Variants in TMEM182 observed in about 807,000 individuals in gnomAD.
TMEM182 encodes transmembrane protein 182.
TMEM182 carries 20 observed loss-of-function variants against 26.8 expected under a neutral mutation model. The observed-to-expected ratio is 0.75, with a 90% CI of 0.53 to 1.09. TMEM182 has a LOEUF of 1.09. Among genes scored for constraint, TMEM182 ranks in the 50% least tolerant of loss-of-function variants. The probability of loss-of-function intolerance (pLI) is 0.00; values close to 1 mark genes in which losing one functional copy is unlikely to be tolerated. For synonymous variants in TMEM182, 109 were observed against 102.2 expected (o/e 1.07, Z -0.40); for missense variants, 277 against 275.5 (o/e 1.01, Z -0.04).
chr2:102,787,159 A>G (rs1681429489), intron 3 of TMEM182, among the ~76,000 whole-genome samples: 1 of 152,172 alleles, frequency 6.6e-6, no homozygotes, highest in East Asian at 1.9e-4. Flanking sequence ...TTAAGGAAGG[A>G]AGGATGCTTT....
chr2:102,797,832 T>A (rs541747340), intron 3 of TMEM182, 31 bp from the exon 4 acceptor site: 262 of 1,592,336 alleles, frequency 1.6e-4, no homozygotes, highest in Non-Finnish European at 2.0e-4. Context: ...GTATTTTTCT[T>A]TCTTTTCTCT....
intron 4 of TMEM182, among the ~76,000 whole-genome samples, chr2:102,813,875 G>C (rs1479799557): frequency 2.0e-5 from 3 of 151,918 alleles, no homozygotes; most frequent in Non-Finnish European, 4.4e-5. Flanking sequence ...TAGTGGTTAG[G>C]CATTTGTTAT....
intron 3 of TMEM182, among the ~76,000 whole-genome samples, chr2:102,781,324 A>G (rs1283901734): frequency 1.3e-5 from 2 of 152,190 alleles, no homozygotes; most frequent in African/African-American, 4.8e-5. Context: ...GAGATAGAGA[A>G]GGAAGACCGA....
At chr2:102,778,201 C>T (rs1055512934) in intron 3 of TMEM182, among the ~76,000 whole-genome samples, 3 of 151,864 alleles carry the variant, frequency 2.0e-5, no homozygotes, top group African/African-American at 7.2e-5. Context: ...TTTTTTTATA[C>T]ATACACATTT....
Position 102,816,782 on chromosome 2 carries a change from G to C in TMEM182, c.*1814G>C, listed in dbSNP as rs1429475274. ...AGACGATGTTGGATGTATCTGATTAGTTCATGTCATCTGTAAATACAATTC... is the reference window on the plus strand; with the variant it reads ...AGACGATGTTGGATGTATCTGATTACTTCATGTCATCTGTAAATACAATTC... On this transcript the variant is annotated 3_prime_UTR_variant, in exon 5 of 5. Transcript: ENST00000412401. 1.0e-6 allele frequency: 1 copy of C among 985,692 alleles called. No individual in the cohort carries two copies. Among genetic ancestry groups the C allele is most frequent in the Non-Finnish European group, 1.2e-6 (1 of 829,924 alleles). The allele number at this position is 985,692 out of a possible 1,614,324, so 61.1% of individuals were successfully genotyped here. A position where few individuals can be genotyped will look rare whatever the true frequency, so the allele number is the denominator to read the frequency against.
chr2:102,746,598 T>TGTTACTTA, intron 1 of TMEM182, among the ~76,000 whole-genome samples: 1 of 151,324 alleles, frequency 6.6e-6, no homozygotes, highest in East Asian at 1.9e-4. Context: ...GAGTTACTTA[T>TGTTACTTA]TTTTTTTTTC....
intron 3 of TMEM182, among the ~76,000 whole-genome samples, chr2:102,765,688 A>T (rs980774372): frequency 6.6e-6 from 1 of 152,210 alleles, no homozygotes; most frequent in Non-Finnish European, 1.5e-5. Context: ...CTTGTATTAC[A>T]TCATTAATAG....
intron 1 of TMEM182, among the ~76,000 whole-genome samples, chr2:102,753,772 A>G (rs1679952494): frequency 6.6e-6 from 1 of 152,188 alleles, no homozygotes; most frequent in Non-Finnish European, 1.5e-5. Flanking sequence ...ATTCAAACCA[A>G]TTTAATTAAG....
chr2:102,823,283 T>C (rs1414274635), intron 3 of TMEM182, among the ~76,000 whole-genome samples: 1 of 152,204 alleles, frequency 6.6e-6, no homozygotes, highest in African/African-American at 2.4e-5. Flanking sequence ...AAATGTGAAG[T>C]GTATTTCAAT....
chr2:102,822,120 A>G (rs933701698), downstream of TMEM182, among the ~76,000 whole-genome samples: 3 of 152,216 alleles, frequency 2.0e-5, no homozygotes, highest in African/African-American at 7.2e-5. Flanking sequence ...ATGTGCAACT[A>G]TTATATGTCA....
intron 4 of TMEM182, among the ~76,000 whole-genome samples, chr2:102,802,201 G>A (rs981637909): frequency 3.9e-5 from 6 of 152,216 alleles, no homozygotes; most frequent in Non-Finnish European, 7.3e-5. Flanking sequence ...TGCTGGGTAT[G>A]TGCACATAGG....
At chr2:102,793,895 C>A (rs2104720425) in intron 3 of TMEM182, among the ~76,000 whole-genome samples, 1 of 152,152 alleles carries the variant, frequency 6.6e-6, no homozygotes, top group East Asian at 1.9e-4. Flanking sequence ...AGTGATAATG[C>A]AATCTTGATA....
chr2:102,782,935 T>C (rs930467669), intron 3 of TMEM182, among the ~76,000 whole-genome samples: 7 of 152,226 alleles, frequency 4.6e-5, no homozygotes, highest in African/African-American at 9.6e-5. Flanking sequence ...CTGCTTTTTC[T>C]AGTACCCAAG....
chr2:102,786,502 C>G (rs112231919), intron 3 of TMEM182, among the ~76,000 whole-genome samples: 1 of 152,110 alleles, frequency 6.6e-6, no homozygotes, highest in Non-Finnish European at 1.5e-5. Flanking sequence ...TGTGAGCCAC[C>G]GCGTCCAGCC....
At chr2:102,761,800 T>A (rs1393791125), upstream of TMEM182, among the ~76,000 whole-genome samples, 3 of 152,344 alleles carry the variant, frequency 2.0e-5, no homozygotes, top group East Asian at 5.8e-4. Flanking sequence ...TTGGGGCCAA[T>A]GCTTTCAATG....
At chr2:102,751,746 C>T (rs1679882716) in intron 1 of TMEM182, among the ~76,000 whole-genome samples, 1 of 152,152 alleles carries the variant, frequency 6.6e-6, no homozygotes, top group Non-Finnish European at 1.5e-5. Context: ...CTCACTGTCA[C>T]CTTGAACCCC....
chr2:102,779,732 C>G (rs1241622996), intron 3 of TMEM182, among the ~76,000 whole-genome samples: 1 of 151,066 alleles, frequency 6.6e-6, no homozygotes, highest in South Asian at 2.1e-4. Flanking sequence ...TGTGGTGGCT[C>G]ATGCTTGTAA....
At chr2:102,773,435 C>T (rs766549050) in intron 3 of TMEM182, among the ~76,000 whole-genome samples, 2 of 151,482 alleles carry the variant, frequency 1.3e-5, no homozygotes, top group African/African-American at 4.9e-5. Context: ...CAGAAGAAAG[C>T]GAGGGAGCGA....
chr2:102,810,305 C>G (rs1682506760), intron 4 of TMEM182, among the ~76,000 whole-genome samples: 1 of 151,906 alleles, frequency 6.6e-6, no homozygotes, highest in Non-Finnish European at 1.5e-5. Context: ...TAGAATATGC[C>G]TCCATTTTTC....
Sources: allele counts gnomAD v4.1 joint callset (sites outside exome capture counted in the v4.1 genomes callset), GRCh38; gene constraint gnomAD v4.1.1; transcripts MANE v1.5; gene names NCBI Gene and HGNC (gene_info 2026-07-23, HGNC 2026-07-21).